TRIM2: variants seen among roughly 807,000 people sequenced by gnomAD.
The protein encoded by TRIM2 is tripartite motif-containing protein 2.
A neutral mutation model predicts 75.2 loss-of-function variants in TRIM2; 20 were observed. The observed-to-expected ratio is 0.27, with a 90% CI of 0.19 to 0.39. The LOEUF is 0.39. Among genes scored for constraint, TRIM2 ranks in the 10% least tolerant of loss-of-function variants. The probability of loss-of-function intolerance (pLI) is 1.00; values close to 1 mark genes in which losing one functional copy is unlikely to be tolerated. For synonymous variants in TRIM2, 373 were observed against 388.3 expected (o/e 0.96, Z 0.46); for missense variants, 660 against 990.8 (o/e 0.67, Z 4.48).
At chr4:153,305,278 T>C (rs1204261917) in intron 6 of TRIM2, among the ~76,000 whole-genome samples, 1 of 152,216 alleles carries the variant, frequency 6.6e-6, no homozygotes, top group Admixed American at 6.5e-5. Flanking sequence ...GTTACAAAGT[T>C]TCCTTTGTTT....
At chr4:153,321,899 T>C (rs1435712786) in intron 8 of TRIM2, among the ~76,000 whole-genome samples, 3 of 152,322 alleles carry the variant, frequency 2.0e-5, no homozygotes, top group African/African-American at 7.2e-5. Context: ...TTGTCATTTT[T>C]TGGACATTTT....
At chr4:153,226,941 C>T (rs1579800780) in intron 1 of TRIM2, among the ~76,000 whole-genome samples, 1 of 152,262 alleles carries the variant, frequency 6.6e-6, no homozygotes, top group East Asian at 1.9e-4. Flanking sequence ...GTTCTGAGCC[C>T]CCTGCTTATG....
rs1047348043 is a variant in TRIM2 at position 153,308,101 on chromosome 4, T to C, written c.1511-7384T>C. 11 of 892,794 alleles carry C rather than the reference T, an allele frequency of 1.2e-5. No individual in the cohort carries two copies. In the African/African-American group the frequency reaches 1.6e-4, roughly 13 times the overall value. 55.3% of individuals were successfully genotyped at this position (892,794 alleles called of 1,614,324 possible). On this transcript the variant is annotated intron_variant, in intron 6 of 11. Transcript: ENST00000338700. ...TCAAATACTTTCTGGAAGTGGGACA[T>C]GCTCCGCTCGGTCATGACGCTGATC...
At chr4:153,280,122 G>A (rs568001621) in intron 3 of TRIM2, among the ~76,000 whole-genome samples, 2 of 58,488 alleles carry the variant, frequency 3.4e-5, no homozygotes, top group African/African-American at 1.4e-4. Context: ...GTTAGAAAAA[G>A]AGTAATAAAA....
At chr4:153,332,644 TC>T (rs1771737414) in intron 11 of TRIM2, among the ~76,000 whole-genome samples, 1 of 140,396 alleles carries the variant, frequency 7.1e-6, no homozygotes, top group Non-Finnish European at 1.5e-5. Context: ...AAATTTCGTC[TC>T]AAAAAAAAAA....
intron 1 of TRIM2, among the ~76,000 whole-genome samples, chr4:153,189,476 G>A (rs554689067): frequency 8.5e-5 from 13 of 152,324 alleles, no homozygotes; most frequent in Non-Finnish European, 1.8e-4. Flanking sequence ...TGCTGTGGTC[G>A]CATCTGGATC....
intron 1 of TRIM2, among the ~76,000 whole-genome samples, chr4:153,234,358 A>G (rs1744459554): frequency 6.6e-6 from 1 of 152,220 alleles, no homozygotes; most frequent in African/African-American, 2.4e-5. Flanking sequence ...TGTGGGCTTC[A>G]TGAGCGGGTT....
At chr4:153,172,554 A>T (rs1474882288) in intron 1 of TRIM2, among the ~76,000 whole-genome samples, 8 of 152,130 alleles carry the variant, frequency 5.3e-5, no homozygotes, top group Non-Finnish European at 8.8e-5. Flanking sequence ...AGTTTTCAGG[A>T]GATTTGGGAA....
At chr4:153,215,672 AT>A (rs1248980238) in intron 1 of TRIM2, among the ~76,000 whole-genome samples, 1 of 152,148 alleles carries the variant, frequency 6.6e-6, no homozygotes, top group Non-Finnish European at 1.5e-5. Flanking sequence ...TTTATTAAAA[AT>A]TTCAACATAT....
In TRIM2 at chr4:153,295,670, G is replaced by A. The variant is rs760086023; in HGVS notation, c.1144G>A (p.Gly382Ser). 6 of 1,614,044 alleles carry A rather than the reference G, an allele frequency of 3.7e-6. No homozygotes were observed. Among genetic ancestry groups the A allele is most frequent in the Non-Finnish European group, 5.1e-6 (6 of 1,180,000 alleles). The change falls in exon 6 of 12, where the codon GGT becomes AGT. Residue 382 changes from glycine (G) to serine (S), a missense_variant. Transcript: ENST00000338700. This position sits in a 1 kb window ranked among gnomAD's most constrained non-coding sequence, Gnocchi z 7.2. ...CACCATCACCACCAAGGACAAAGAC[G>A]GTGAGCTGTGCAAAACCGGCAACGC... ...SVTITTKDKDGELCKTGNAYL... is the reference protein window; with the variant it reads ...SVTITTKDKDSELCKTGNAYL...
chr4:153,156,527 G>A (rs983760607), intron 1 of TRIM2, among the ~76,000 whole-genome samples: 12 of 152,184 alleles, frequency 7.9e-5, no homozygotes, highest in African/African-American at 2.9e-4. Flanking sequence ...TAGATGGGGT[G>A]AGTGGGGTTC....
chr4:153,258,536 A>G (rs929461931), intron 1 of TRIM2, among the ~76,000 whole-genome samples: 2 of 152,144 alleles, frequency 1.3e-5, no homozygotes, highest in Non-Finnish European at 2.9e-5. Context: ...GGGGGATAGG[A>G]GAGCAAGTAG....
intron 1 of TRIM2, among the ~76,000 whole-genome samples, chr4:153,262,801 C>T (rs1753898346): frequency 6.6e-6 from 1 of 152,190 alleles, no homozygotes; most frequent in Non-Finnish European, 1.5e-5. Flanking sequence ...GTTCGGCCTA[C>T]ATCTAGGAAT....
At chr4:153,211,108 A>G (rs1437030378) in intron 1 of TRIM2, among the ~76,000 whole-genome samples, 1 of 152,164 alleles carries the variant, frequency 6.6e-6, no homozygotes, top group Non-Finnish European at 1.5e-5. Context: ...CTCACAAGCC[A>G]TGCTCACTAG....
Position 153,336,797 on chromosome 4 carries a change from A to C in TRIM2, c.*1831A>C, listed in dbSNP as rs1772503384. 5.1e-6 allele frequency: 5 copies of C among 985,604 alleles called. No individual in the cohort carries two copies. Among genetic ancestry groups the C allele is most frequent in the Non-Finnish European group, 6.0e-6 (5 of 829,676 alleles). The allele number at this position is 985,604 out of a possible 1,614,324, so 61.1% of individuals were successfully genotyped here. A position where few individuals can be genotyped will look rare whatever the true frequency, so the allele number is the denominator to read the frequency against. ...TATGCCCAAATCAACCTCTGAAAAA[A>C]GGTTTTTCCAGGAAGATTTACATTT... is the stretch of plus-strand genomic sequence containing the variant. On this transcript the variant is annotated 3_prime_UTR_variant, in exon 12 of 12. Transcript: ENST00000338700.
intron 1 of TRIM2, among the ~76,000 whole-genome samples, chr4:153,181,546 A>T (rs1441540731): frequency 1.3e-5 from 2 of 152,168 alleles, no homozygotes; most frequent in African/African-American, 4.8e-5. Flanking sequence ...GCTCATGACC[A>T]CACATGCTGC....
intron 3 of TRIM2, among the ~76,000 whole-genome samples, chr4:153,284,060 G>C (rs1007079710): frequency 6.7e-5 from 10 of 148,988 alleles, no homozygotes; most frequent in Non-Finnish European, 1.2e-4. Context: ...TTTTTTTTAA[G>C]TAGAGATGGG....
At chr4:153,325,387 C>T (rs1373160905) in intron 10 of TRIM2, among the ~76,000 whole-genome samples, 1 of 152,200 alleles carries the variant, frequency 6.6e-6, no homozygotes, top group African/African-American at 2.4e-5. Context: ...CCCCCCTACA[C>T]TCAAATGCAG....
chr4:153,228,937 A>G (rs895927041), intron 1 of TRIM2, among the ~76,000 whole-genome samples: 7 of 152,174 alleles, frequency 4.6e-5, no homozygotes, highest in African/African-American at 1.7e-4. Context: ...GCAACCGATG[A>G]CTGAAGGCTA....
Sources: allele counts gnomAD v4.1 joint callset (sites outside exome capture counted in the v4.1 genomes callset), GRCh38; gene constraint gnomAD v4.1.1; non-coding constraint Gnocchi (gnomAD v3.1); transcripts MANE v1.5; gene names NCBI Gene and HGNC (gene_info 2026-07-23, HGNC 2026-07-21).